Variants in PSTPIP2 observed in about 807,000 individuals in gnomAD.
PSTPIP2 encodes the protein proline-serine-threonine phosphatase-interacting protein 2.
A neutral mutation model predicts 63.3 loss-of-function variants in PSTPIP2; 33 were observed. That is an observed-to-expected ratio of 0.52 (90% CI 0.40 to 0.70). PSTPIP2 has a LOEUF of 0.70. Among genes scored for constraint, PSTPIP2 ranks in the 30% least tolerant of loss-of-function variants. The probability of loss-of-function intolerance (pLI) is 0.00; values close to 1 mark genes in which losing one functional copy is unlikely to be tolerated. For synonymous variants in PSTPIP2, 125 were observed against 132.7 expected (o/e 0.94, Z 0.40); for missense variants, 312 against 400.7 (o/e 0.78, Z 1.89).
At chr18:46,040,872 C>T (rs1908166839) in intron 1 of PSTPIP2, 1 of 388,852 alleles carries the variant, frequency 2.6e-6, no homozygotes, top group South Asian at 1.9e-5. Context: ...TATGGATCCT[C>T]TACTGAAGCC....
intron 6 of PSTPIP2, among the ~76,000 whole-genome samples, chr18:46,005,229 G>A (rs1028168523): frequency 1.3e-5 from 2 of 151,930 alleles, no homozygotes; most frequent in South Asian, 2.1e-4. Context: ...GTGAGAGGAG[G>A]GAGAGGAGCA....
In PSTPIP2 at chr18:45,991,958, G is replaced by A. The variant is rs768998071; in HGVS notation, c.864C>T (p.Tyr288=). 13 of 1,613,704 alleles carry A rather than the reference G, an allele frequency of 8.1e-6. No homozygotes were observed. In the East Asian group the frequency reaches 2.7e-4, roughly 33 times the overall value. The change falls in exon 12 of 15, where the codon TAC becomes TAT. Residue 288 remains tyrosine (Y), a synonymous_variant. Transcript: ENST00000409746. ...CTGGGACTGCATTCTTCTGGGAGGAGTAGAAATTCTCATACATGATGGGTG... is the reference window on the plus strand; with the variant it reads ...CTGGGACTGCATTCTTCTGGGAGGAATAGAAATTCTCATACATGATGGGTG... ...PPAPIMYENF[Y]SSQKNAVPAG... is the part of the protein sequence containing the mutation.
chr18:46,011,494 C>T (rs1359263646), intron 4 of PSTPIP2, among the ~76,000 whole-genome samples: 1 of 152,164 alleles, frequency 6.6e-6, no homozygotes, highest in Non-Finnish European at 1.5e-5. Context: ...AGATCTTTAG[C>T]TTAGCCTCCT....
chr18:46,069,453 G>T (rs1909312331), intron 1 of PSTPIP2, among the ~76,000 whole-genome samples: 1 of 152,106 alleles, frequency 6.6e-6, no homozygotes, highest in Non-Finnish European at 1.5e-5. Context: ...CCAATAGCAG[G>T]CAAATTCATT....
intron 7 of PSTPIP2, 41 bp from the exon 8 acceptor site, chr18:45,998,880 G>C: frequency 6.2e-7 from 1 of 1,611,246 alleles, no homozygotes; most frequent in Non-Finnish European, 8.5e-7. Flanking sequence ...AGCAAGCATT[G>C]GGAATGCTGG....
chr18:46,058,350 G>GT (rs149865056), intron 1 of PSTPIP2, among the ~76,000 whole-genome samples: 2,027 of 150,988 alleles, frequency 0.013, 13 homozygotes, highest in Non-Finnish European at 0.018. Context: ...TATATTCCTA[G>GT]TTTTTTTTTG....
intron 5 of PSTPIP2, among the ~76,000 whole-genome samples, chr18:46,010,322 G>A (rs2051781638): frequency 6.6e-6 from 1 of 152,222 alleles, no homozygotes; most frequent in Admixed American, 6.5e-5. Flanking sequence ...CGGGCAGGGT[G>A]AAAGAGGTCA....
chr18:46,045,141 C>T (rs903003857), intron 1 of PSTPIP2, among the ~76,000 whole-genome samples: 5 of 152,184 alleles, frequency 3.3e-5, no homozygotes, highest in East Asian at 3.9e-4. Context: ...CCATTTGACC[C>T]AGCCATCCCA....
intron 2 of PSTPIP2, among the ~76,000 whole-genome samples, chr18:46,037,508 GT>G (rs747993853): frequency 1.3e-4 from 20 of 152,254 alleles, no homozygotes; most frequent in Non-Finnish European, 2.6e-4. Context: ...GGATGTTTCA[GT>G]CATATTAGAT....
At chr18:46,027,066 G>A (rs748545229) in intron 2 of PSTPIP2, among the ~76,000 whole-genome samples, 3 of 152,020 alleles carry the variant, frequency 2.0e-5, no homozygotes, top group Non-Finnish European at 4.4e-5. Flanking sequence ...AGGCCAAGGC[G>A]GTGGATCACC....
In PSTPIP2 at chr18:45,991,975, T is replaced by C. The variant is rs762440251; in HGVS notation, c.847A>G (p.Met283Val). The change falls in exon 12 of 15, where the codon ATG becomes GTG. Residue 283 changes from methionine to valine, a missense_variant. Met to Val is a conservative substitution (Grantham distance 21). Transcript: ENST00000409746. ...TGGGAGGAGTAGAAATTCTCATACA[T>C]GATGGGTGCTAGGAGAGTCACCAAG... Reference protein sequence around the residue: ...KTGQIPPAPIMYENFYSSQKN... With the variant: ...KTGQIPPAPIVYENFYSSQKN... 6.2e-7 allele frequency: 1 copy of C among 1,612,906 alleles called. No individual in the cohort carries two copies. Among genetic ancestry groups the C allele is most frequent in the South Asian group, 1.1e-5 (1 of 91,044 alleles).
chr18:46,071,417 A>AG (rs1909388158), intron 1 of PSTPIP2, among the ~76,000 whole-genome samples: 1 of 152,084 alleles, frequency 6.6e-6, no homozygotes, highest in Non-Finnish European at 1.5e-5. Context: ...TAGACAGAGG[A>AG]GGGGGACAGG....
intron 13 of PSTPIP2, among the ~76,000 whole-genome samples, chr18:45,990,294 A>T (rs948239413): frequency 1.3e-5 from 2 of 152,226 alleles, no homozygotes; most frequent in Non-Finnish European, 2.9e-5. Context: ...TTATAGTAAG[A>T]TTCTAATATA....
rs1909418091 is a variant in PSTPIP2 at position 46,072,148 on chromosome 18, C to T, written c.33+8G>A. ...GCCCCGCGATCCGCTGTCGGCCCCACGACTTACCCAAAAGTTTCCCTTGAA... is the reference window on the plus strand; with the variant it reads ...GCCCCGCGATCCGCTGTCGGCCCCATGACTTACCCAAAAGTTTCCCTTGAA... On this transcript the variant is annotated splice_region_variant and intron_variant, in intron 1 of 14. Transcript: ENST00000409746. 1.2e-5 allele frequency: 19 copies of T among 1,535,156 alleles called. No individual in the cohort carries two copies. Among genetic ancestry groups the T allele is most frequent in the Non-Finnish European group, 1.7e-5 (19 of 1,141,266 alleles).
At position 45,997,731 on chromosome 18, in the gene PSTPIP2, G is replaced by A. The variant is rs2051615781; in HGVS notation, c.642+18C>T. 1 of 787,526 alleles carries A rather than the reference G, an allele frequency of 1.3e-6. No homozygotes were observed. The allele number at this position is 787,526 out of a possible 1,614,324, so 48.8% of individuals were successfully genotyped here. On this transcript the variant is annotated intron_variant, in intron 9 of 14. Coordinates refer to ENST00000409746, the MANE Select transcript of PSTPIP2 (RefSeq NM_024430.4). ...CACCCACCCACCCCAGTCCTGAGCA[G>A]CTTCCGGTTACGGGTACCTCGCAGG... is the stretch of plus-strand genomic sequence containing the variant.
intron 2 of PSTPIP2, chr18:46,029,207 C>T (rs1907700174): frequency 9.4e-7 from 1 of 1,061,342 alleles, no homozygotes; most frequent in Non-Finnish European, 1.5e-6. Context: ...TCCTGTGCAT[C>T]AAGTGAGAGG....
chr18:46,015,929 T>C lies in PSTPIP2; in HGVS notation c.221A>G (p.Lys74Arg). 6.2e-7 allele frequency: 1 copy of C among 1,612,516 alleles called. No homozygotes were observed. The highest frequency in any genetic ancestry group is 8.5e-7 in the Non-Finnish European group (1 of 1,179,130). ...CTGCTTGAAGACTTCAAGGGCCCGC[T>C]TCAGGGTGCTAAAAAAAACAAGCAC... is the stretch of plus-strand genomic sequence containing the variant. The part of the protein sequence containing the change: ...PCGQSEINTL[K>R]RALEVFKQQV... Residue 74 changes from lysine to arginine, a missense_variant, in exon 4 of 15, where the codon AAG (lysine) becomes AGG (arginine). Coordinates refer to ENST00000409746, the MANE Select transcript of PSTPIP2 (RefSeq NM_024430.4).
At chr18:46,029,183 A>G in intron 2 of PSTPIP2, 1 of 1,012,236 alleles carries the variant, frequency 9.9e-7, no homozygotes, top group South Asian at 1.3e-5. Flanking sequence ...ATGACATGCT[A>G]GCTGGAAATT....
Position 45,999,480 on chromosome 18 carries a change from C to T in PSTPIP2, c.472G>A (p.Val158Ile), listed in dbSNP as rs759856340. ...CRDKDEAEQA[V>I]SRSANLVNPK... ...TTCACCAGGTTGGCACTCCGGCTGACGGCCTGTTCTGCCTCATCTTTGTCC... is the reference window on the plus strand; with the variant it reads ...TTCACCAGGTTGGCACTCCGGCTGATGGCCTGTTCTGCCTCATCTTTGTCC... Residue 158 changes from valine (V) to isoleucine (I), a missense_variant, in exon 7 of 15, where the codon GTC becomes ATC. Coordinates refer to ENST00000409746, the MANE Select transcript of PSTPIP2 (RefSeq NM_024430.4). 9 of 1,614,082 alleles carry T rather than the reference C, an allele frequency of 5.6e-6. No individual in the cohort carries two copies. Among genetic ancestry groups the T allele is most frequent in the East Asian group, 4.5e-5 (2 of 44,896 alleles).
Sources: gnomAD v4.1 joint callset for allele counts (sites outside exome capture counted in the v4.1 genomes callset) on GRCh38, gnomAD v4.1.1 for gene constraint, MANE v1.5 for transcripts, NCBI Gene and HGNC (gene_info 2026-07-23, HGNC 2026-07-21) for gene names.